GALNT17: variants seen among roughly 807,000 people sequenced by gnomAD.
The protein encoded by GALNT17 is polypeptide N-acetylgalactosaminyltransferase 17, also known as UDP-GalNAc:polypeptide N-acetylgalactosaminyltransferase-like 3.
A neutral mutation model predicts 63.7 loss-of-function variants in GALNT17; 29 were observed. That is an observed-to-expected ratio of 0.46 (90% CI 0.34 to 0.62). GALNT17 has a LOEUF of 0.62. Ranked by LOEUF, GALNT17 falls within the 20% of genes least tolerant of loss-of-function variation. The probability of loss-of-function intolerance (pLI) is 0.01; values close to 1 mark genes in which losing one functional copy is unlikely to be tolerated. For synonymous variants in GALNT17, 305 were observed against 318.3 expected (o/e 0.96, Z 0.45); for missense variants, 603 against 799.6 (o/e 0.75, Z 2.97).
At chr7:71,589,108 C>T (rs980855199) in intron 6 of GALNT17, among the ~76,000 whole-genome samples, 10 of 152,068 alleles carry the variant, frequency 6.6e-5, no homozygotes, top group Non-Finnish European at 1.0e-4. Flanking sequence ...AGAGAAGCCA[C>T]AATGAGGGGA....
At chr7:71,573,690 G>T (rs1352173590) in intron 6 of GALNT17, among the ~76,000 whole-genome samples, 1 of 151,980 alleles carries the variant, frequency 6.6e-6, no homozygotes, top group Non-Finnish European at 1.5e-5. Context: ...GGGTTCATGT[G>T]CAGGTTTGTT....
chr7:71,270,538 C>CAAAAAA (rs573250852), intron 1 of GALNT17, among the ~76,000 whole-genome samples: 22 of 89,150 alleles, frequency 2.5e-4, no homozygotes, highest in Admixed American at 2.9e-4. Flanking sequence ...CCCACCCCAC[C>CAAAAAA]AAAAAAAAAA....
At chr7:71,213,623 T>C (rs893797979) in intron 1 of GALNT17, among the ~76,000 whole-genome samples, 4 of 152,238 alleles carry the variant, frequency 2.6e-5, no homozygotes, top group Non-Finnish European at 5.9e-5. Flanking sequence ...GAGAATACTT[T>C]TTATCCATGT....
chr7:71,222,687 A>G (rs1451815198), intron 1 of GALNT17, among the ~76,000 whole-genome samples: 1 of 152,036 alleles, frequency 6.6e-6, no homozygotes, highest in Non-Finnish European at 1.5e-5. Flanking sequence ...TTTGATTTAG[A>G]TTTGGGGGAA....
chr7:71,587,699 C>T (rs2116910926), intron 6 of GALNT17, among the ~76,000 whole-genome samples: 2 of 151,626 alleles, frequency 1.3e-5, no homozygotes, highest in East Asian at 1.9e-4. Context: ...CTTTTTTGTA[C>T]TGAAAACATT....
At chr7:71,268,431 G>T (rs1790529878) in intron 1 of GALNT17, among the ~76,000 whole-genome samples, 1 of 151,280 alleles carries the variant, frequency 6.6e-6, no homozygotes, top group African/African-American at 2.4e-5. Context: ...ATGTTCCTGA[G>T]TCCCATCCAC....
chr7:71,144,828 A>G (rs1787984300), intron 1 of GALNT17, among the ~76,000 whole-genome samples: 1 of 152,116 alleles, frequency 6.6e-6, no homozygotes, highest in Non-Finnish European at 1.5e-5. Flanking sequence ...TCCTGGACTC[A>G]AGCAATTCTC....
chr7:71,549,155 T>C (rs1177484794), intron 5 of GALNT17, among the ~76,000 whole-genome samples: 1 of 151,990 alleles, frequency 6.6e-6, no homozygotes, highest in Non-Finnish European at 1.5e-5. Context: ...TCGAGCAGAG[T>C]CGCCAGTCTT....
At chr7:71,304,569 G>C (rs1791256916) in intron 1 of GALNT17, among the ~76,000 whole-genome samples, 1 of 152,124 alleles carries the variant, frequency 6.6e-6, no homozygotes, top group African/African-American at 2.4e-5. Context: ...TATCAACTGG[G>C]AACCACTCAA....
At chr7:71,634,408 G>T (rs1426173806) in intron 6 of GALNT17, among the ~76,000 whole-genome samples, 1 of 152,202 alleles carries the variant, frequency 6.6e-6, no homozygotes, top group Non-Finnish European at 1.5e-5. Flanking sequence ...TGGTTGGGGC[G>T]CAGCTTGGTT....
At chr7:71,492,617 G>A (rs1313519873) in intron 5 of GALNT17, among the ~76,000 whole-genome samples, 1 of 152,186 alleles carries the variant, frequency 6.6e-6, no homozygotes, top group Non-Finnish European at 1.5e-5. Flanking sequence ...GTGGCAGGTG[G>A]ACTTGAGTTC....
chr7:71,649,538 G>T (rs1009468002), intron 6 of GALNT17, among the ~76,000 whole-genome samples: 2 of 151,332 alleles, frequency 1.3e-5, no homozygotes, highest in Admixed American at 6.6e-5. Flanking sequence ...TGAAGAAACT[G>T]TATGCCTGTC....
At chr7:71,287,765 G>A (rs577586169) in intron 1 of GALNT17, among the ~76,000 whole-genome samples, 2 of 152,192 alleles carry the variant, frequency 1.3e-5, no homozygotes, top group East Asian at 3.9e-4. Flanking sequence ...AAAATCCTAA[G>A]GAATGGCTAG....
At chr7:71,305,518 G>A (rs566666113) in intron 1 of GALNT17, among the ~76,000 whole-genome samples, 1 of 152,252 alleles carries the variant, frequency 6.6e-6, no homozygotes, top group African/African-American at 2.4e-5. Flanking sequence ...CTTAAAATCT[G>A]GGCTCTCATT....
intron 1 of GALNT17, among the ~76,000 whole-genome samples, chr7:71,264,166 G>A (rs1177904401): frequency 6.6e-6 from 1 of 152,114 alleles, no homozygotes; most frequent in African/African-American, 2.4e-5. Flanking sequence ...GCCTGCTGGG[G>A]GCAGCTGATG....
chr7:71,407,840 T>A (rs943213295), intron 3 of GALNT17, among the ~76,000 whole-genome samples: 11 of 152,098 alleles, frequency 7.2e-5, no homozygotes, highest in Non-Finnish European at 4.4e-5. Flanking sequence ...ACGACTCCAT[T>A]TTCATGAACC....
Position 71,701,816 on chromosome 7 carries a change from CACATATATATACACAT to C in GALNT17, c.1501-8943_1501-8928del, listed in dbSNP as rs1562742343. ...ATGTGTGTGTGTGTATATATATATA[CACATATATATACACAT>C]ATATATATGTGTATATATATATACA... is the stretch of plus-strand genomic sequence containing the variant. On this transcript the variant is annotated intron_variant, in intron 9 of 10. Transcript: ENST00000333538. 5.9e-3 allele frequency among the ~76,000 whole-genome samples: 32 copies of C among 5,390 alleles called. 2 individuals are homozygous for C. Among genetic ancestry groups the C allele is most frequent in the South Asian group, 0.03 (6 of 198 alleles). 3.5% of individuals were successfully genotyped at this position (5,390 alleles called of 152,430 possible).
chr7:71,583,862 C>G (rs551042191), intron 6 of GALNT17, among the ~76,000 whole-genome samples: 1 of 152,024 alleles, frequency 6.6e-6, no homozygotes, highest in South Asian at 2.1e-4. Context: ...CGGTGGCTCA[C>G]GCCTGTAATC....
At chr7:71,178,545 C>T (rs1267706542) in intron 1 of GALNT17, among the ~76,000 whole-genome samples, 7 of 152,134 alleles carry the variant, frequency 4.6e-5, no homozygotes, top group Non-Finnish European at 8.8e-5. Flanking sequence ...CTGATATTGT[C>T]CCACAGGTCT....
Sources: allele counts gnomAD v4.1 joint callset (sites outside exome capture counted in the v4.1 genomes callset), GRCh38; gene constraint gnomAD v4.1.1; transcripts MANE v1.5; gene names NCBI Gene and HGNC (gene_info 2026-07-23, HGNC 2026-07-21).